ITPKB: variants seen among roughly 807,000 people sequenced by gnomAD.
ITPKB encodes inositol-trisphosphate 3-kinase B, also known as IP3 3-kinase B.
ITPKB carries 13 observed loss-of-function variants against 69.4 expected under a neutral mutation model. That is an observed-to-expected ratio of 0.19 (90% CI 0.12 to 0.30). The LOEUF is 0.30. Ranked by LOEUF, ITPKB falls within the 10% of genes least tolerant of loss-of-function variation. The pLI is 1.00. For missense variants in ITPKB, 1,240 were observed against 1,250.5 expected (o/e 0.99, Z 0.13); for synonymous variants, 584 against 513.7 (o/e 1.14, Z -1.85).
intron 2 of ITPKB, among the ~76,000 whole-genome samples, chr1:226,687,463 C>A (rs1318807177): frequency 2.0e-5 from 3 of 152,224 alleles, no homozygotes; most frequent in African/African-American, 7.2e-5. Context: ...TGTTTCCAGC[C>A]TCCAGCTCAG....
intron 2 of ITPKB, among the ~76,000 whole-genome samples, chr1:226,712,820 C>T (rs556812860): frequency 2.2e-4 from 33 of 152,292 alleles, no homozygotes; most frequent in South Asian, 1.0e-3. Flanking sequence ...CGGTGCATCA[C>T]GGAGCACCCT....
chr1:226,650,155 G>T (rs1260298472), intron 2 of ITPKB, among the ~76,000 whole-genome samples: 3 of 152,240 alleles, frequency 2.0e-5, no homozygotes, highest in Non-Finnish European at 4.4e-5. Context: ...GGGGTCAGCG[G>T]CGGCTGCTGG....
chr1:226,643,605 C>T (rs1317932496), intron 4 of ITPKB, among the ~76,000 whole-genome samples: 1 of 152,220 alleles, frequency 6.6e-6, no homozygotes, highest in East Asian at 1.9e-4. Context: ...ACAAAAACTA[C>T]AGCCTCTTAA....
At chr1:226,683,692 T>C (rs1394820900) in intron 2 of ITPKB, among the ~76,000 whole-genome samples, 1 of 152,094 alleles carries the variant, frequency 6.6e-6, no homozygotes, top group African/African-American at 2.4e-5. Flanking sequence ...TGATGCTCCA[T>C]TCTAAAACTG....
intron 2 of ITPKB, among the ~76,000 whole-genome samples, chr1:226,659,920 C>T (rs1021256320): frequency 6.6e-5 from 10 of 152,206 alleles, no homozygotes; most frequent in African/African-American, 2.2e-4. Context: ...CCTGCGGACC[C>T]AGCACATGCT....
chr1:226,673,358 CCT>C (rs1180185697), intron 2 of ITPKB, among the ~76,000 whole-genome samples: 1 of 152,094 alleles, frequency 6.6e-6, no homozygotes, highest in Non-Finnish European at 1.5e-5. Context: ...AGAGCATGAC[CCT>C]GTCTCAAAAA....
In ITPKB at chr1:226,642,537, A is replaced by C. The variant is rs951731595; in HGVS notation, c.2247-412T>G. ...ATCGGACTGCCTTCACTTTCACTCC[A>C]AGCCCATCGGCTGGCCTCACAAAGC... On this transcript the variant is annotated intron_variant, in intron 4 of 7. Transcript: ENST00000429204. The surrounding 1 kb of genome is among the most constrained non-coding windows in gnomAD (Gnocchi z 6.4). 5.3e-5 allele frequency among the ~76,000 whole-genome samples: 8 copies of C among 151,872 alleles called. No individual in the cohort carries two copies. Among genetic ancestry groups the C allele is most frequent in the African/African-American group, 1.9e-4 (8 of 41,316 alleles).
intron 2 of ITPKB, among the ~76,000 whole-genome samples, chr1:226,687,549 T>C (rs1656244765): frequency 6.6e-6 from 1 of 152,170 alleles, no homozygotes; most frequent in Non-Finnish European, 1.5e-5. Flanking sequence ...TGCTGCCCGC[T>C]GTAAAGGAAC....
intron 2 of ITPKB, among the ~76,000 whole-genome samples, chr1:226,667,296 T>C (rs1669520927): frequency 6.6e-6 from 1 of 152,116 alleles, no homozygotes. Flanking sequence ...TTCCCAGAGT[T>C]GGGAATCGAT....
At chr1:226,732,167 C>G (rs1366893985) in intron 2 of ITPKB, among the ~76,000 whole-genome samples, 1 of 150,570 alleles carries the variant, frequency 6.6e-6, no homozygotes, top group Non-Finnish European at 1.5e-5. Flanking sequence ...CAGTAAGCAC[C>G]ATGAAGCCAA....
At chr1:226,716,963 T>C (rs1657111252) in intron 2 of ITPKB, among the ~76,000 whole-genome samples, 1 of 152,222 alleles carries the variant, frequency 6.6e-6, no homozygotes, top group Non-Finnish European at 1.5e-5. Context: ...ATTTTGCAAA[T>C]ATTATATAGA....
At chr1:226,721,348 C>CAAAAAAA (rs11353595) in intron 2 of ITPKB, among the ~76,000 whole-genome samples, 3 of 64,654 alleles carry the variant, frequency 4.6e-5, no homozygotes, top group Non-Finnish European at 9.3e-5. Context: ...AACTCTGTCT[C>CAAAAAAA]AAAAAAAAAA....
At position 226,641,178 on chromosome 1, in the gene ITPKB, AC is replaced by A. The variant is rs1668954209; in HGVS notation, c.2451+742del. On this transcript the variant is annotated intron_variant, in intron 5 of 7. Coordinates refer to ENST00000429204, the MANE Select transcript of ITPKB (RefSeq NM_002221.4). The surrounding 1 kb of genome is among the most constrained non-coding windows in gnomAD (Gnocchi z 4.6). The stretch of plus-strand genomic sequence containing the variant: ...ATCATCCAGACAGTCACCAATCCAG[AC>A]AGTGCCAGTTCCCCAATTTATTCTG... Among the ~76,000 whole-genome samples, 1 of 152,200 alleles carries A rather than the reference AC, an allele frequency of 6.6e-6. No homozygotes were observed. Among genetic ancestry groups the A allele is most frequent in the African/African-American group, 2.4e-5 (1 of 41,456 alleles).
Position 226,637,828 on chromosome 1 carries a change from T to C in ITPKB, c.2554-78A>G, listed in dbSNP as rs1416121755. The C allele has an allele frequency of 1.5e-5, 16 of 1,066,950 alleles. No individual in the cohort carries two copies. Among genetic ancestry groups the C allele is most frequent in the East Asian group, 2.5e-5 (1 of 40,646 alleles). The allele number at this position is 1,066,950 out of a possible 1,614,324, so 66.1% of individuals were successfully genotyped here. A position where few individuals can be genotyped will look rare whatever the true frequency, so the allele number is the denominator to read the frequency against. Reference sequence around the variant, plus strand: ...GTCAGAACACCCATGCGGCCTCTAGTGGTCCCTCCCGTGAATGTGCTTTAC... The same window carrying C: ...GTCAGAACACCCATGCGGCCTCTAGCGGTCCCTCCCGTGAATGTGCTTTAC... On this transcript the variant is annotated intron_variant, in intron 6 of 7. Transcript: ENST00000429204. This position sits in a 1 kb window ranked among gnomAD's most constrained non-coding sequence, Gnocchi z 4.3.
At chr1:226,722,455 G>A (rs904215326) in intron 2 of ITPKB, among the ~76,000 whole-genome samples, 17 of 152,220 alleles carry the variant, frequency 1.1e-4, no homozygotes, top group African/African-American at 4.1e-4. Context: ...GCGGGAGACG[G>A]CTCGGCTCTC....
chr1:226,716,079 G>A (rs1022594000), intron 2 of ITPKB, among the ~76,000 whole-genome samples: 6 of 152,216 alleles, frequency 3.9e-5, no homozygotes, highest in Non-Finnish European at 5.9e-5. Context: ...CCAAAGTGCT[G>A]GCACTACAGG....
At chr1:226,705,209 AG>A (rs1217384372) in intron 2 of ITPKB, among the ~76,000 whole-genome samples, 1 of 152,178 alleles carries the variant, frequency 6.6e-6, no homozygotes, top group Non-Finnish European at 1.5e-5. Context: ...TGATGGCCAG[AG>A]GAAGAGAGGA....
chr1:226,722,106 C>T (rs564043497), intron 2 of ITPKB, among the ~76,000 whole-genome samples: 1 of 152,344 alleles, frequency 6.6e-6, no homozygotes, highest in South Asian at 2.1e-4. Flanking sequence ...AGCCACCGCA[C>T]CCAGCCATAA....
rs1282227533 is a variant in ITPKB, at chr1:226,631,962, T to C, written c.*2709A>G. On this transcript the variant is annotated 3_prime_UTR_variant, in exon 8 of 8. Coordinates refer to ENST00000429204, the MANE Select transcript of ITPKB (RefSeq NM_002221.4). ...TACAACTGAAGGATGAAAGAGTCCA[T>C]CTTACAGGGCCAGGGCTGCTTCTGG... is the stretch of plus-strand genomic sequence containing the variant. 7.2e-5 allele frequency: 11 copies of C among 152,372 alleles called. No homozygotes were observed. Among genetic ancestry groups the C allele is most frequent in the African/African-American group, 2.4e-4 (10 of 41,394 alleles). The allele number at this position is 152,372 out of a possible 1,614,324, so 9.4% of individuals were successfully genotyped here. A position where few individuals can be genotyped will look rare whatever the true frequency, so the allele number is the denominator to read the frequency against.
Sources: allele counts gnomAD v4.1 joint callset (sites outside exome capture counted in the v4.1 genomes callset), GRCh38; gene constraint gnomAD v4.1.1; non-coding constraint Gnocchi (gnomAD v3.1); transcripts MANE v1.5; gene names NCBI Gene and HGNC (gene_info 2026-07-23, HGNC 2026-07-21).